The following GATA4 variants were observed in gnomAD, a reference collection of about 807,000 sequenced individuals.
The protein encoded by GATA4 is GATA binding protein 4.
A neutral mutation model predicts 37.9 loss-of-function variants in GATA4; 7 were observed. That is an observed-to-expected ratio of 0.18 (90% CI 0.11 to 0.35). The LOEUF (loss-of-function observed/expected upper bound fraction) is 0.35, where lower values mean the gene tolerates loss of function less well. Ranked by LOEUF, GATA4 falls within the 10% of genes least tolerant of loss-of-function variation. The pLI is 1.00. For synonymous variants in GATA4, 372 were observed against 292.6 expected (o/e 1.27, Z -2.77); for missense variants, 647 against 653.0 (o/e 0.99, Z 0.10).
At chr8:11,711,951 G>C (rs1383974216) in intron 2 of GATA4, among the ~76,000 whole-genome samples, 2 of 152,130 alleles carry the variant, frequency 1.3e-5, no homozygotes, top group Admixed American at 6.5e-5. Flanking sequence ...TGGCCAGACA[G>C]TGTGGTGGGA....
intron 1 of GATA4, chr8:11,681,458 C>T (rs1563183450): frequency 2.1e-5 from 21 of 978,000 alleles, no homozygotes; most frequent in Non-Finnish European, 2.4e-5. Context: ...CGCCGGAATC[C>T]GGGGCCCGGT....
chr8:11,688,608 G>A (rs1024529430), upstream of GATA4, among the ~76,000 whole-genome samples: 8 of 152,338 alleles, frequency 5.3e-5, no homozygotes, highest in Non-Finnish European at 1.2e-4. Flanking sequence ...CCCAGAGTCA[G>A]TGGGTGTCAG....
chr8:11,683,227 G>A, intron 1 of GATA4: 1 of 742,688 alleles, frequency 1.3e-6, no homozygotes, highest in Non-Finnish European at 1.6e-6. Context: ...CGGAGCGGGG[G>A]AGGACGGAGG....
intron 2 of GATA4, among the ~76,000 whole-genome samples, chr8:11,723,101 C>A (rs1800749456): frequency 1.3e-5 from 2 of 152,106 alleles, no homozygotes; most frequent in Non-Finnish European, 2.9e-5. Context: ...AATCCCAGCA[C>A]TTTGGGAGGC....
intron 2 of GATA4, among the ~76,000 whole-genome samples, chr8:11,747,092 C>G (rs557323060): frequency 6.5e-4 from 99 of 152,342 alleles, no homozygotes; most frequent in African/African-American, 2.2e-3. Flanking sequence ...CTCTTTACCA[C>G]CTGTCCTCCC....
intron 5 of GATA4, 86 bp downstream of exon 5, chr8:11,755,219 C>G (rs539370546): frequency 3.6e-6 from 4 of 1,101,386 alleles, no homozygotes; most frequent in South Asian, 1.3e-5. Flanking sequence ...GTTAGGCAGG[C>G]CAGCCCGGGC....
intron 2 of GATA4, among the ~76,000 whole-genome samples, chr8:11,717,841 C>T (rs1004383458): frequency 9.8e-5 from 15 of 152,312 alleles, no homozygotes; most frequent in African/African-American, 3.1e-4. Flanking sequence ...TGTTAGGAAT[C>T]CCAGTGTTGC....
At chr8:11,758,060 G>A (rs936246597) in intron 6 of GATA4, among the ~76,000 whole-genome samples, 1 of 152,176 alleles carries the variant, frequency 6.6e-6, no homozygotes, top group Non-Finnish European at 1.5e-5. Context: ...CAGGGCCACC[G>A]GGTCATAGCC....
At chr8:11,738,780 C>T (rs574754792) in intron 2 of GATA4, among the ~76,000 whole-genome samples, 5 of 152,358 alleles carry the variant, frequency 3.3e-5, no homozygotes, top group East Asian at 3.9e-4. Flanking sequence ...AGGGTGTCTG[C>T]TTTCCCACAT....
intron 5 of GATA4, 149 bp downstream of exon 5, chr8:11,755,282 A>C: frequency 1.5e-6 from 1 of 674,686 alleles, no homozygotes; most frequent in Non-Finnish European, 2.6e-6. Flanking sequence ...GGACAGGATG[A>C]AGAGCCCAGC....
intron 1 of GATA4, chr8:11,693,146 C>A: frequency 8.8e-6 from 8 of 911,192 alleles, no homozygotes; most frequent in Non-Finnish European, 1.0e-5. Flanking sequence ...TTCATTTGTT[C>A]CTAAAGAGCT....
rs142258782 is a variant in GATA4, at chr8:11,680,844, C to G, written c.-274+3781C>G. On this transcript the variant is annotated intron_variant, in intron 1 of 6. Transcript: ENST00000528712. ...TCCCCACGCTCTGGGCAGCAAGACA[C>G]ATAGCGAAGCCCCTGACCCATTTCT... The G allele has an allele frequency of 3.2e-4, 312 of 985,432 alleles. 3 individuals carry two copies. In the African/African-American group the frequency reaches 5.2e-3, roughly 16 times the overall value. The allele number at this position is 985,432 out of a possible 1,614,324, so 61.0% of individuals were successfully genotyped here. A position where few individuals can be genotyped will look rare whatever the true frequency, so the allele number is the denominator to read the frequency against.
At chr8:11,699,802 C>T (rs1799613794), upstream of GATA4, among the ~76,000 whole-genome samples, 1 of 152,176 alleles carries the variant, frequency 6.6e-6, no homozygotes, top group Non-Finnish European at 1.5e-5. Flanking sequence ...CACTTTTTTC[C>T]CTCTTCCTGT....
chr8:11,738,534 C>A (rs143521096), intron 2 of GATA4, among the ~76,000 whole-genome samples: 1 of 152,210 alleles, frequency 6.6e-6, no homozygotes, highest in African/African-American at 2.4e-5. Context: ...TTAACCAGTC[C>A]GGTATTGATG....
upstream of GATA4, chr8:11,692,497 A>G (rs1799346114): frequency 3.0e-6 from 3 of 985,306 alleles, no homozygotes; most frequent in Non-Finnish European, 3.6e-6. Context: ...CCTCCCGTGC[A>G]CAGCGTGAGT....
rs200319078 is a variant in GATA4, at chr8:11,758,326, C to A, written c.1183C>A (p.Pro395Thr). The A allele has an allele frequency of 1.0e-3, 1,675 of 1,614,150 alleles. 32 individuals are homozygous for A. The South Asian group carries it at 0.017, about 16-fold the overall frequency. The change falls in exon 7 of 7, where the codon CCC becomes ACC. Residue 395 changes from proline to threonine, a missense_variant. Coordinates refer to ENST00000532059, the MANE Select transcript of GATA4 (RefSeq NM_001308093.3). Reference protein sequence around the residue: ...FSVSAMSGHGPSIHPVLSALK... With the variant: ...FSVSAMSGHGTSIHPVLSALK... The stretch of plus-strand genomic sequence containing the variant: ...AGTCAGTGCGATGTCTGGCCATGGG[C>A]CCTCCATCCACCCTGTCCTCTCGGC...
At chr8:11,751,538 T>G (rs908562750) in intron 4 of GATA4, among the ~76,000 whole-genome samples, 1 of 152,186 alleles carries the variant, frequency 6.6e-6, no homozygotes, top group Non-Finnish European at 1.5e-5. Flanking sequence ...CATATGCAAG[T>G]CTTAATTGTT....
intron 2 of GATA4, among the ~76,000 whole-genome samples, chr8:11,719,245 T>G (rs1800565125): frequency 6.6e-6 from 1 of 151,284 alleles, no homozygotes; most frequent in Non-Finnish European, 1.5e-5. Flanking sequence ...AAGAATGACC[T>G]GACTTCCAAG....
chr8:11,706,822 G>C (rs1799907939), intron 1 of GATA4, among the ~76,000 whole-genome samples: 1 of 152,126 alleles, frequency 6.6e-6, no homozygotes, highest in East Asian at 1.9e-4. Context: ...CAGTGCTCCA[G>C]TTCCCTCTTG....
Sources: allele counts gnomAD v4.1 joint callset (sites outside exome capture counted in the v4.1 genomes callset), GRCh38; gene constraint gnomAD v4.1.1; transcripts MANE v1.5; gene names NCBI Gene and HGNC (gene_info 2026-07-23, HGNC 2026-07-21).